Variants in CTNNA3 observed in about 807,000 individuals in gnomAD.
CTNNA3 encodes the protein catenin alpha-3.
CTNNA3 carries 76 observed loss-of-function variants against 95.7 expected under a neutral mutation model. That is an observed-to-expected ratio of 0.79 (90% CI 0.66 to 0.96). CTNNA3 has a LOEUF of 0.96. Ranked by LOEUF, CTNNA3 falls within the 40% of genes least tolerant of loss-of-function variation. The pLI is 0.00. For synonymous variants in CTNNA3, 431 were observed against 374.4 expected (o/e 1.15, Z -1.74); for missense variants, 1,191 against 1,089.8 (o/e 1.09, Z -1.31).
intron 7 of CTNNA3, among the ~76,000 whole-genome samples, chr10:66,831,610 G>C (rs1400412274): frequency 6.6e-6 from 1 of 152,152 alleles, no homozygotes; most frequent in Non-Finnish European, 1.5e-5. Flanking sequence ...CATGAAAGCA[G>C]CGGATATTTT....
intron 7 of CTNNA3, among the ~76,000 whole-genome samples, chr10:67,047,774 C>T (rs1854844529): frequency 6.6e-6 from 1 of 152,066 alleles, no homozygotes; most frequent in Admixed American, 6.5e-5. Flanking sequence ...CTAGCATTAA[C>T]AGGTGGCTTT....
intron 9 of CTNNA3, among the ~76,000 whole-genome samples, chr10:66,752,893 A>G (rs545572959): frequency 2.0e-5 from 3 of 152,162 alleles, no homozygotes; most frequent in African/African-American, 7.2e-5. Flanking sequence ...GAGTGACTCT[A>G]TTTAAATGCT....
intron 14 of CTNNA3, among the ~76,000 whole-genome samples, chr10:66,080,041 T>A (rs932379507): frequency 2.0e-5 from 3 of 152,094 alleles, no homozygotes; most frequent in Admixed American, 6.6e-5. Flanking sequence ...TCGCTTGAAG[T>A]CAGTTTAGTT....
At position 65,913,062 on chromosome 10, in the gene CTNNA3, A is replaced by G. The variant is rs187925506; in HGVS notation, c.*7268T>C. On this transcript the variant is annotated 3_prime_UTR_variant, in exon 18 of 18. Transcript: ENST00000433211. ...TTCCCAAGATATTGCTGCAATAAAC[A>G]TGACTATTATGAATTGGTTACTTTT... is the stretch of plus-strand genomic sequence containing the variant. The G allele has an allele frequency of 2.6e-5, 4 of 152,296 alleles. No homozygotes were observed. In the East Asian group the frequency reaches 5.8e-4, roughly 22 times the overall value. 9.4% of individuals were successfully genotyped at this position (152,296 alleles called of 1,614,324 possible).
At chr10:67,396,805 A>C (rs199671321) in intron 5 of CTNNA3, among the ~76,000 whole-genome samples, 2 of 152,000 alleles carry the variant, frequency 1.3e-5, no homozygotes, top group African/African-American at 2.4e-5. Flanking sequence ...GGGGGCAGTT[A>C]CCCCATGCTG....
intron 13 of CTNNA3, among the ~76,000 whole-genome samples, chr10:66,150,068 A>G (rs1288659716): frequency 6.6e-6 from 1 of 152,182 alleles, no homozygotes; most frequent in East Asian, 1.9e-4. Flanking sequence ...AATGGTTGAT[A>G]TGGTTTGGCT....
rs145951515 is a variant in CTNNA3 at position 67,164,307 on chromosome 10, T to A, written c.1047+16010A>T. Among the ~76,000 whole-genome samples the A allele has an allele frequency of 1.3e-3, 200 of 152,148 alleles. 2 individuals carry two copies. The highest frequency in any genetic ancestry group is 4.7e-3 in the African/African-American group (197 of 41,548). ...AGAATCATGAAACTAGAAATAGCCA[T>A]ACACAAGTACAGCAAATTGATTTTT... On this transcript the variant is annotated intron_variant, in intron 7 of 17. Transcript: ENST00000433211.
intron 5 of CTNNA3, among the ~76,000 whole-genome samples, chr10:67,371,474 G>A (rs1053978916): frequency 2.7e-5 from 4 of 148,160 alleles, no homozygotes; most frequent in Non-Finnish European, 4.4e-5. Flanking sequence ...GTGAGAACAT[G>A]TGGTGTTTGG....
chr10:66,855,433 C>T (rs954561202), intron 7 of CTNNA3, among the ~76,000 whole-genome samples: 4 of 151,998 alleles, frequency 2.6e-5, no homozygotes, highest in South Asian at 4.1e-4. Context: ...ATAAGTCCAG[C>T]AAAATATATT....
At chr10:67,677,879 T>C (rs568990122) in intron 1 of CTNNA3, among the ~76,000 whole-genome samples, 85 of 152,300 alleles carry the variant, frequency 5.6e-4, no homozygotes, top group African/African-American at 2.0e-3. Flanking sequence ...CTTCAGATTA[T>C]CTAGGGTTAA....
chr10:67,481,575 T>G (rs1848230028), intron 5 of CTNNA3, among the ~76,000 whole-genome samples: 1 of 152,164 alleles, frequency 6.6e-6, no homozygotes, highest in Non-Finnish European at 1.5e-5. Context: ...GGTATACATC[T>G]AACCAAGGAG....
chr10:67,085,794 G>C (rs1052958275), intron 7 of CTNNA3, among the ~76,000 whole-genome samples: 27 of 151,938 alleles, frequency 1.8e-4, no homozygotes, highest in Non-Finnish European at 2.7e-4. Context: ...ACGCAAGCCT[G>C]CACAAACCCT....
intron 7 of CTNNA3, among the ~76,000 whole-genome samples, chr10:67,110,598 C>T (rs1202371750): frequency 6.6e-6 from 1 of 152,090 alleles, no homozygotes; most frequent in Non-Finnish European, 1.5e-5. Flanking sequence ...AAATACAAGC[C>T]TTAGATGATC....
chr10:67,378,857 T>C (rs1165320966), intron 5 of CTNNA3, among the ~76,000 whole-genome samples: 1 of 152,186 alleles, frequency 6.6e-6, no homozygotes, highest in Non-Finnish European at 1.5e-5. Flanking sequence ...TCATAATAAG[T>C]AACATATAAG....
intron 7 of CTNNA3, among the ~76,000 whole-genome samples, chr10:66,856,308 T>C (rs935287112): frequency 6.6e-6 from 1 of 152,116 alleles, no homozygotes; most frequent in Admixed American, 6.6e-5. Flanking sequence ...ATTTTCTTTA[T>C]CCAGTCTGCC....
chr10:66,207,975 C>T (rs1232770595), intron 13 of CTNNA3, among the ~76,000 whole-genome samples: 1 of 152,084 alleles, frequency 6.6e-6, no homozygotes, highest in African/African-American at 2.4e-5. Flanking sequence ...TTGTACTTGC[C>T]ACCACAATAT....
intron 2 of CTNNA3, among the ~76,000 whole-genome samples, chr10:67,620,953 A>ATATATATATATG (rs1375896412): frequency 2.0e-5 from 3 of 146,626 alleles, no homozygotes; most frequent in Non-Finnish European, 3.0e-5. Flanking sequence ...ATATATATAC[A>ATATATATATATG]GAAATGTGGA....
intron 7 of CTNNA3, among the ~76,000 whole-genome samples, chr10:66,872,918 C>T (rs1287490185): frequency 6.6e-6 from 1 of 152,140 alleles, no homozygotes; most frequent in East Asian, 1.9e-4. Flanking sequence ...CAGTGTTTAG[C>T]TCCCACTTGT....
intron 7 of CTNNA3, among the ~76,000 whole-genome samples, chr10:66,929,968 CCA>C (rs1847283013): frequency 6.6e-6 from 1 of 152,156 alleles, no homozygotes; most frequent in African/African-American, 2.4e-5. Flanking sequence ...ATTTGGCTTG[CCA>C]ACCCCTACAT....
Sources: gnomAD v4.1 joint callset for allele counts (sites outside exome capture counted in the v4.1 genomes callset) on GRCh38, gnomAD v4.1.1 for gene constraint, MANE v1.5 for transcripts, NCBI Gene and HGNC (gene_info 2026-07-23, HGNC 2026-07-21) for gene names.